The following DGKI variants were observed in gnomAD, a reference collection of about 807,000 sequenced individuals.
The protein encoded by DGKI is DAG kinase iota.
In DGKI, 55 loss-of-function variants were observed where a neutral mutation model predicts 147.5. That is an observed-to-expected ratio of 0.37 (90% CI 0.30 to 0.47). DGKI has a LOEUF of 0.47. DGKI is among the 20% of genes least tolerant of loss of function. DGKI has a pLI of 1.00. For synonymous variants in DGKI, 469 were observed against 477.1 expected (o/e 0.98, Z 0.22); for missense variants, 1,007 against 1,323.8 (o/e 0.76, Z 3.71).
intron 27 of DGKI, among the ~76,000 whole-genome samples, chr7:137,456,289 G>A (rs1347727523): frequency 6.6e-6 from 1 of 152,238 alleles, no homozygotes; most frequent in South Asian, 2.1e-4. Flanking sequence ...GGAACCCACA[G>A]CCTAACAAAA....
intron 1 of DGKI, among the ~76,000 whole-genome samples, chr7:137,770,520 A>G (rs1563190012): frequency 6.6e-6 from 1 of 151,982 alleles, no homozygotes; most frequent in Non-Finnish European, 1.5e-5. Context: ...AAATCAATAA[A>G]TTATACTCAG....
At chr7:137,474,682 T>C (rs991208184) in intron 23 of DGKI, among the ~76,000 whole-genome samples, 1 of 152,178 alleles carries the variant, frequency 6.6e-6, no homozygotes, top group Non-Finnish European at 1.5e-5. Flanking sequence ...CAAAAAATGT[T>C]CCTGTCCTTG....
chr7:137,638,683 TAC>T (rs58584640), intron 6 of DGKI, among the ~76,000 whole-genome samples: 2,582 of 134,748 alleles, frequency 0.019, 457 homozygotes, highest in African/African-American at 0.077. Context: ...CACACGTATG[TAC>T]ACACAGATAC....
intron 1 of DGKI, among the ~76,000 whole-genome samples, chr7:137,707,233 A>G (rs948833467): frequency 2.0e-5 from 3 of 152,170 alleles, no homozygotes; most frequent in African/African-American, 7.2e-5. Flanking sequence ...CTATTCACCT[A>G]TGCGGATTCC....
In DGKI at chr7:137,703,825, T is replaced by G. The variant is rs568620401; in HGVS notation, c.402-13823A>C. Reference sequence around the variant, plus strand: ...AAAAGGTCCTGTTTTAAATAAAATTTTATGAGATATGCAAAGAAACAAGAA... The same window carrying G: ...AAAAGGTCCTGTTTTAAATAAAATTGTATGAGATATGCAAAGAAACAAGAA... On this transcript the variant is annotated intron_variant, in intron 1 of 32. Coordinates refer to ENST00000614521, the MANE Select transcript of DGKI (RefSeq NM_001321708.2). Among the ~76,000 whole-genome samples the G allele has an allele frequency of 7.2e-5, 11 of 152,306 alleles. No individual in the cohort carries two copies. In the East Asian group the frequency reaches 1.5e-3, roughly 21 times the overall value.
intron 1 of DGKI, among the ~76,000 whole-genome samples, chr7:137,830,137 T>G (rs1798176127): frequency 6.6e-6 from 1 of 152,174 alleles, no homozygotes. Flanking sequence ...GGCTGCAACC[T>G]AAGCAAAACT....
rs754076873 is a variant in DGKI, at chr7:137,453,851, C to G, written c.2735+9638G>C. ...CCAATTCCCTTTATTATCATAATTT[C>G]CCAGTCTTTAAGACTCACCTACCCA... On this transcript the variant is annotated intron_variant, in intron 27 of 32. Transcript: ENST00000614521. 2.0e-5 allele frequency among the ~76,000 whole-genome samples: 3 copies of G among 152,128 alleles called. No individual in the cohort carries two copies. In the East Asian group the frequency reaches 5.8e-4, roughly 29 times the overall value.
chr7:137,420,278 C>T (rs1219917405), intron 28 of DGKI, among the ~76,000 whole-genome samples: 4 of 152,148 alleles, frequency 2.6e-5, no homozygotes, highest in Non-Finnish European at 5.9e-5. Flanking sequence ...CTGAAGTCCA[C>T]GTTTGCGCAT....
intron 1 of DGKI, among the ~76,000 whole-genome samples, chr7:137,802,222 T>G (rs1797234818): frequency 6.6e-6 from 1 of 152,012 alleles, no homozygotes; most frequent in African/African-American, 2.4e-5. Flanking sequence ...TATATGAACT[T>G]TGGGGACTCA....
chr7:137,414,249 C>T (rs4732255), intron 28 of DGKI, among the ~76,000 whole-genome samples: 51,489 of 151,862 alleles, frequency 0.34, 9,693 homozygotes, highest in East Asian at 0.64. Flanking sequence ...CTTTGACCAA[C>T]GCTGAAGCCT....
At chr7:137,674,220 T>A (rs1393419966) in intron 3 of DGKI, among the ~76,000 whole-genome samples, 2 of 152,216 alleles carry the variant, frequency 1.3e-5, no homozygotes, top group East Asian at 1.9e-4. Flanking sequence ...TTCTACAGTA[T>A]TAAATGTTGC....
intron 3 of DGKI, among the ~76,000 whole-genome samples, chr7:137,676,013 G>T (rs1250614397): frequency 3.9e-5 from 6 of 152,144 alleles, no homozygotes; most frequent in Non-Finnish European, 7.3e-5. Context: ...ACCAACTTGG[G>T]CACCCCACTC....
intron 1 of DGKI, among the ~76,000 whole-genome samples, chr7:137,789,542 A>G (rs942154667): frequency 6.6e-6 from 1 of 152,326 alleles, no homozygotes; most frequent in Middle Eastern, 3.4e-3. Flanking sequence ...GGGTAATTAA[A>G]TGTTTCAAAA....
intron 1 of DGKI, among the ~76,000 whole-genome samples, chr7:137,697,583 G>C (rs527802159): frequency 1.3e-5 from 2 of 151,980 alleles, no homozygotes; most frequent in African/African-American, 2.4e-5. Flanking sequence ...CTTCTCTTTC[G>C]GTCTATAAAA....
intron 1 of DGKI, among the ~76,000 whole-genome samples, chr7:137,809,197 T>C (rs1797482084): frequency 6.6e-6 from 1 of 152,142 alleles, no homozygotes; most frequent in African/African-American, 2.4e-5. Flanking sequence ...CAGAATCTGA[T>C]CTATTTTTAA....
chr7:137,560,337 A>G lies in DGKI; in HGVS notation c.1948-7769T>C, dbSNP rs568727742. Reference sequence around the variant, plus strand: ...TATGAGACAATAACAAGCAATCTAAAATACATTTAATTAAATCCCAGAAGC... The same window carrying G: ...TATGAGACAATAACAAGCAATCTAAGATACATTTAATTAAATCCCAGAAGC... On this transcript the variant is annotated intron_variant, in intron 19 of 32. Transcript: ENST00000614521. Among the ~76,000 whole-genome samples the G allele has an allele frequency of 1.7e-4, 26 of 152,306 alleles. 1 individual carries two copies. In the South Asian group the frequency reaches 5.4e-3, roughly 32 times the overall value.
chr7:137,621,965 A>G (rs2128998031), intron 7 of DGKI, among the ~76,000 whole-genome samples: 1 of 152,342 alleles, frequency 6.6e-6, no homozygotes, highest in Non-Finnish European at 1.5e-5. Flanking sequence ...AGGACCACAA[A>G]TGGAGATATT....
At chr7:137,798,862 T>C (rs1797111760) in intron 1 of DGKI, among the ~76,000 whole-genome samples, 1 of 152,178 alleles carries the variant, frequency 6.6e-6, no homozygotes, top group African/African-American at 2.4e-5. Context: ...AATCAATCAA[T>C]ATAATATACC....
chr7:137,581,748 G>A, intron 15 of DGKI, 102 bp downstream of exon 15: 4 of 963,792 alleles, frequency 4.2e-6, no homozygotes, highest in Non-Finnish European at 6.5e-6. Context: ...CAACACTGAA[G>A]CACACTGTAA....
Sources: gnomAD v4.1 joint callset for allele counts (sites outside exome capture counted in the v4.1 genomes callset) on GRCh38, gnomAD v4.1.1 for gene constraint, MANE v1.5 for transcripts, NCBI Gene and HGNC (gene_info 2026-07-23, HGNC 2026-07-21) for gene names.